The following PFKFB1 variants were observed in gnomAD, a reference collection of about 807,000 sequenced individuals.
The protein encoded by PFKFB1 is 6-phosphofructo-2-kinase/fructose-2,6-bisphosphatase 1.
A neutral mutation model predicts 46.4 loss-of-function variants in PFKFB1; 34 were observed. The ratio of observed to expected loss-of-function variants is 0.73; its 90% CI spans 0.56 to 0.98. The LOEUF is 0.98. Ranked by LOEUF, PFKFB1 falls within the 50% of genes least tolerant of loss-of-function variation. The pLI, the probability that PFKFB1 is intolerant of heterozygous loss-of-function variation, is 0.00. For missense variants in PFKFB1, 393 were observed against 376.3 expected (o/e 1.04, Z -0.37); for synonymous variants, 119 against 133.8 (o/e 0.89, Z 0.76).
At position 54,933,163 on chromosome X, in the gene PFKFB1, G is replaced by A; in HGVS notation, c.*240C>T. The A allele has an allele frequency of 2.5e-6, 1 of 407,194 alleles. No homozygotes were observed. Among genetic ancestry groups the A allele is most frequent in the South Asian group, 3.8e-5 (1 of 26,067 alleles). The allele number at this position is 407,194 out of a possible 1,213,427, so 33.6% of individuals were successfully genotyped here. ...CGCCATGACCTCCTCCTCTCCTCTT[G>A]TAGGCAGTAAGTCTTTATTCGTCAG... On this transcript the variant is annotated 3_prime_UTR_variant, in exon 14 of 14. Coordinates refer to ENST00000375006, the MANE Select transcript of PFKFB1 (RefSeq NM_002625.4).
At chrX:54,980,705 A>T (rs1934960508) in intron 1 of PFKFB1, among the ~76,000 whole-genome samples, 1 of 85,919 alleles carries the variant, frequency 1.2e-5, no homozygotes, top group Non-Finnish European at 2.2e-5. Flanking sequence ...GGAAGAAAAA[A>T]AGCCAACACA....
chrX:54,956,157 C>T lies in PFKFB1; in HGVS notation c.634G>A (p.Asp212Asn). 8.4e-7 allele frequency: 1 copy of T among 1,193,479 alleles called. No homozygotes were observed. Among genetic ancestry groups the T allele is most frequent in the Non-Finnish European group, 1.1e-6 (1 of 879,192 alleles). ...VNYQPLDEEL[D>N]SHLSYIKIFD... ...CTTTGGGGTGCTGGCTCTTACCTGTCCAGTTCCTCATCCAAGGGTTGGTAG... is the reference window on the plus strand; with the variant it reads ...CTTTGGGGTGCTGGCTCTTACCTGTTCAGTTCCTCATCCAAGGGTTGGTAG... Residue 212 changes from aspartate to asparagine, a missense_variant, in exon 7 of 14, where the codon GAC (aspartate) becomes AAC (asparagine). By Grantham distance (23) the Asp-to-Asn change is conservative. Transcript: ENST00000375006.
rs1933442189 is a variant in PFKFB1 at position 54,937,485 on chromosome X, T to A, written c.1228+110A>T. ...AAGAGAAAGAATCTGAACCTAGGCA[T>A]CCTTGTTCTAGATACTCTTCTCTTA... On this transcript the variant is annotated intron_variant, in intron 11 of 13. Coordinates refer to ENST00000375006, the MANE Select transcript of PFKFB1 (RefSeq NM_002625.4). The A allele has an allele frequency of 4.3e-6, 3 of 702,920 alleles. No homozygotes were observed. The Admixed American group carries it at 9.9e-5, about 23-fold the overall frequency. 57.9% of individuals were successfully genotyped at this position (702,920 alleles called of 1,213,427 possible).
At chrX:54,995,194 G>A (rs1225315838), upstream of PFKFB1, among the ~76,000 whole-genome samples, 1 of 111,214 alleles carries the variant, frequency 9.0e-6, no homozygotes, top group Non-Finnish European at 1.9e-5. Context: ...AGCTTGCCTC[G>A]AAGATGCACA....
At position 54,952,011 on chromosome X, in the gene PFKFB1, A is replaced by T; in HGVS notation, c.740T>A (p.Ile247Asn). ...GTAGATGGAGCGAGGTGTGACATGGATATTCATGAGGTAGTAGACTGTGCG... is the reference window on the plus strand; with the variant it reads ...GTAGATGGAGCGAGGTGTGACATGGTTATTCATGAGGTAGTAGACTGTGCG... Reference protein sequence around the residue: ...QSRTVYYLMNIHVTPRSIYLC... With the variant: ...QSRTVYYLMNNHVTPRSIYLC... Residue 247 changes from isoleucine (I) to asparagine (N), a missense_variant, in exon 8 of 14, where the codon ATC (isoleucine) becomes AAC (asparagine). Physicochemically the swap from Ile to Asn is moderately radical, Grantham distance 149 (BLOSUM62 -3). Transcript: ENST00000375006. 1 of 1,210,563 alleles carries T rather than the reference A, an allele frequency of 8.3e-7. No homozygotes were observed. Among genetic ancestry groups the T allele is most frequent in the Non-Finnish European group, 1.1e-6 (1 of 894,506 alleles).
chrX:54,943,501 T>C (rs986402922), intron 10 of PFKFB1, among the ~76,000 whole-genome samples: 8 of 112,168 alleles, frequency 7.1e-5, no homozygotes, highest in Admixed American at 1.9e-4. Flanking sequence ...CCTGTAATCC[T>C]AGCACTTTGG....
At chrX:54,963,226 G>C (rs1934370678) in intron 2 of PFKFB1, 31 bp downstream of exon 2, 1 of 1,202,058 alleles carries the variant, frequency 8.3e-7, no homozygotes, top group Admixed American at 2.2e-5. Flanking sequence ...GCTTTTATGG[G>C]GTTGTTGAAC....
chrX:54,935,743 T>G (rs2146585897), intron 11 of PFKFB1, among the ~76,000 whole-genome samples: 1 of 111,454 alleles, frequency 9.0e-6, no homozygotes, highest in African/African-American at 3.3e-5. Flanking sequence ...CCAGAATGCA[T>G]GCACTGGCCC....
In PFKFB1 at chrX:54,991,465, A is replaced by G. The variant is rs930845178; in HGVS notation, c.97+2446T>C. Among the ~76,000 whole-genome samples, 3 of 109,681 alleles carry G rather than the reference A, an allele frequency of 2.7e-5. No individual in the cohort carries two copies. In the South Asian group the frequency reaches 1.2e-3, roughly 43 times the overall value. ...AAAGATGGCAACTCTCCTCAAATTG[A>G]CTGATTTACAGATTGAATGTAATTT... On this transcript the variant is annotated intron_variant, in intron 1 of 13. Transcript: ENST00000375006.
Sources: allele counts gnomAD v4.1 joint callset (sites outside exome capture counted in the v4.1 genomes callset), GRCh38; gene constraint gnomAD v4.1.1; transcripts MANE v1.5; gene names NCBI Gene and HGNC (gene_info 2026-07-23, HGNC 2026-07-21).